Variants in CPPED1 observed in about 807,000 individuals in gnomAD.
CPPED1 encodes calcineurin like phosphoesterase domain containing 1.
CPPED1 carries 28 observed loss-of-function variants against 28.0 expected under a neutral mutation model. That is an observed-to-expected ratio of 1.00 (90% CI 0.74 to 1.37). CPPED1 has a LOEUF of 1.37. Among genes scored for constraint, CPPED1 ranks in the 40% most tolerant of loss-of-function variants. The pLI is 0.00. For missense variants in CPPED1, 504 were observed against 416.5 expected (o/e 1.21, Z -1.83); for synonymous variants, 198 against 180.2 (o/e 1.10, Z -0.79).
At chr16:12,754,651 G>A (rs971433479) in intron 2 of CPPED1, among the ~76,000 whole-genome samples, 5 of 151,518 alleles carry the variant, frequency 3.3e-5, no homozygotes, top group Non-Finnish European at 7.4e-5. Flanking sequence ...AGGCCAAAAG[G>A]GAGAATACCA....
chr16:12,696,584 G>A (rs916623990), intron 3 of CPPED1, among the ~76,000 whole-genome samples: 1 of 151,728 alleles, frequency 6.6e-6, no homozygotes, highest in Non-Finnish European at 1.5e-5. Context: ...TGGGATTACA[G>A]GCACTCACCA....
intron 3 of CPPED1, among the ~76,000 whole-genome samples, chr16:12,673,003 C>A (rs1596439956): frequency 6.6e-6 from 1 of 151,788 alleles, no homozygotes; most frequent in Non-Finnish European, 1.5e-5. Context: ...GAGAGCAAGA[C>A]CCTGTCTCAA....
At chr16:12,742,639 T>A (rs1199468908) in intron 2 of CPPED1, among the ~76,000 whole-genome samples, 1 of 151,724 alleles carries the variant, frequency 6.6e-6, no homozygotes, top group Admixed American at 6.6e-5. Flanking sequence ...AAATCAGGGG[T>A]AGTAGATGGA....
intron 3 of CPPED1, among the ~76,000 whole-genome samples, chr16:12,701,812 G>C (rs1567280311): frequency 1.3e-5 from 2 of 152,174 alleles, no homozygotes; most frequent in Non-Finnish European, 2.9e-5. Context: ...ACACGAAGGA[G>C]GTAGAATTAA....
At chr16:12,745,005 A>C (rs908838473) in intron 2 of CPPED1, among the ~76,000 whole-genome samples, 8 of 152,140 alleles carry the variant, frequency 5.3e-5, no homozygotes, top group Admixed American at 2.6e-4. Flanking sequence ...CAAAAGTAAA[A>C]ATAACAGATT....
chr16:12,772,183 G>C (rs896337879), intron 2 of CPPED1, among the ~76,000 whole-genome samples: 1 of 152,088 alleles, frequency 6.6e-6, no homozygotes, highest in South Asian at 2.1e-4. Context: ...GAGTGTTGAT[G>C]GTCATTTGGC....
Position 12,679,878 on chromosome 16 carries a change from A to G in CPPED1, c.716-14763T>C, listed in dbSNP as rs187395965. Among the ~76,000 whole-genome samples, 292 of 152,328 alleles carry G rather than the reference A, an allele frequency of 1.9e-3. 2 individuals are homozygous for G. Among genetic ancestry groups the G allele is most frequent in the Non-Finnish European group, 2.9e-3 (197 of 68,024 alleles). On this transcript the variant is annotated intron_variant, in intron 3 of 3. Coordinates refer to ENST00000381774, the MANE Select transcript of CPPED1 (RefSeq NM_018340.3). Reference sequence around the variant, plus strand: ...GAGATGTCTTTCTAAAAGAAATGCAATTATCTTAAGAATCCCTCCCTAGGA... The same window carrying G: ...GAGATGTCTTTCTAAAAGAAATGCAGTTATCTTAAGAATCCCTCCCTAGGA...
intron 2 of CPPED1, among the ~76,000 whole-genome samples, chr16:12,724,355 G>C (rs985699162): frequency 6.6e-6 from 1 of 152,138 alleles, no homozygotes; most frequent in African/African-American, 2.4e-5. Flanking sequence ...GAACTGGCAA[G>C]AGCACACTCC....
At chr16:12,796,887 C>T (rs2080630814) in intron 1 of CPPED1, among the ~76,000 whole-genome samples, 1 of 151,926 alleles carries the variant, frequency 6.6e-6, no homozygotes, top group South Asian at 2.1e-4. Context: ...GTCGGATAAA[C>T]AAAATGGGTT....
chr16:12,714,104 T>C (rs982962117), intron 2 of CPPED1, among the ~76,000 whole-genome samples: 27 of 152,254 alleles, frequency 1.8e-4, no homozygotes, highest in Admixed American at 1.8e-3. Flanking sequence ...GTAGCCTATG[T>C]TAGTGCTTCA....
intron 3 of CPPED1, among the ~76,000 whole-genome samples, chr16:12,680,671 T>C (rs1353114332): frequency 6.6e-6 from 1 of 152,074 alleles, no homozygotes; most frequent in Non-Finnish European, 1.5e-5. Flanking sequence ...TGCTGTATCA[T>C]CAGCATGAGA....
chr16:12,794,798 T>C (rs953755721), intron 1 of CPPED1, among the ~76,000 whole-genome samples: 1 of 152,178 alleles, frequency 6.6e-6, no homozygotes, highest in African/African-American at 2.4e-5. Flanking sequence ...CCTAAATGCA[T>C]CCAAAAGGCA....
rs753703652 is a variant in CPPED1, at chr16:12,803,717, C to A, written c.60G>T (p.Ala20=). The change falls in exon 1 of 4, where the codon GCG becomes GCT. Residue 20 remains alanine (A), a synonymous_variant. Transcript: ENST00000381774. ...AGGGGCGGGCAGTACCTGCGGGAAACGCGGCCAGGGTCCTGCCCCTGGCTC... is the reference window on the plus strand; with the variant it reads ...AGGGGCGGGCAGTACCTGCGGGAAAAGCGGCCAGGGTCCTGCCCCTGGCTC... The part of the protein sequence containing the change: ...FHRARGRTLA[A]FPAEKESEWK... 1 of 1,580,362 alleles carries A rather than the reference C, an allele frequency of 6.3e-7. No homozygotes were observed. The highest frequency in any genetic ancestry group is 8.6e-7 in the Non-Finnish European group (1 of 1,165,376).
intron 2 of CPPED1, among the ~76,000 whole-genome samples, chr16:12,766,948 A>C (rs1240189906): frequency 6.6e-6 from 1 of 152,090 alleles, no homozygotes; most frequent in Non-Finnish European, 1.5e-5. Context: ...GGAGCAGAAC[A>C]CAAGAGCATT....
At chr16:12,743,796 G>T (rs999764498) in intron 2 of CPPED1, among the ~76,000 whole-genome samples, 2 of 152,078 alleles carry the variant, frequency 1.3e-5, no homozygotes, top group Non-Finnish European at 2.9e-5. Context: ...TTGAGCCCAG[G>T]AGTTTGAGAG....
At chr16:12,672,667 G>C (rs1193389298) in intron 3 of CPPED1, among the ~76,000 whole-genome samples, 2 of 152,176 alleles carry the variant, frequency 1.3e-5, no homozygotes, top group African/African-American at 4.8e-5. Context: ...GAGGGGTGTG[G>C]GGTGGGATTA....
intron 2 of CPPED1, among the ~76,000 whole-genome samples, chr16:12,744,425 C>T (rs1162397896): frequency 6.6e-6 from 1 of 152,150 alleles, no homozygotes; most frequent in Non-Finnish European, 1.5e-5. Flanking sequence ...GGAGGAGGAA[C>T]ACACACTGGG....
Position 12,664,751 on chromosome 16 carries a change from T to G in CPPED1, c.*135A>C. On this transcript the variant is annotated 3_prime_UTR_variant, in exon 4 of 4. Transcript: ENST00000381774. The surrounding 1 kb of genome is among the most constrained non-coding windows in gnomAD (Gnocchi z 4.2). ...CAGGACAGGGCCCCAGCTCTCTGATTTATGCAAAAGGACATAAATTCACAA... is the reference window on the plus strand; with the variant it reads ...CAGGACAGGGCCCCAGCTCTCTGATGTATGCAAAAGGACATAAATTCACAA... 6.7e-7 allele frequency: 1 copy of G among 1,496,786 alleles called. No homozygotes were observed. The highest frequency in any genetic ancestry group is 1.4e-5 in the South Asian group (1 of 74,004). 92.7% of individuals were successfully genotyped at this position (1,496,786 alleles called of 1,614,324 possible).
chr16:12,742,915 T>C (rs1291148691), intron 2 of CPPED1, among the ~76,000 whole-genome samples: 1 of 152,094 alleles, frequency 6.6e-6, no homozygotes, highest in East Asian at 1.9e-4. Flanking sequence ...CAGGCACCAG[T>C]TTCCTCTCCC....
Sources: allele counts gnomAD v4.1 joint callset (sites outside exome capture counted in the v4.1 genomes callset), GRCh38; gene constraint gnomAD v4.1.1; non-coding constraint Gnocchi (gnomAD v3.1); transcripts MANE v1.5; gene names NCBI Gene and HGNC (gene_info 2026-07-23, HGNC 2026-07-21).